Variants in ABTB2 observed in about 807,000 individuals in gnomAD.
ABTB2 encodes ankyrin repeat and BTB/POZ domain-containing protein 2.
A neutral mutation model predicts 104.1 loss-of-function variants in ABTB2; 56 were observed. The observed-to-expected ratio is 0.54, with a 90% CI of 0.43 to 0.67. The LOEUF (loss-of-function observed/expected upper bound fraction) is 0.67, where lower values mean the gene tolerates loss of function less well. Among genes scored for constraint, ABTB2 ranks in the 30% least tolerant of loss-of-function variants. The pLI is 0.00. For synonymous variants in ABTB2, 606 were observed against 608.2 expected, an observed-to-expected ratio of 1.00 and a Z score of 0.05; for missense variants, 1,279 against 1,407.7, an observed-to-expected ratio of 0.91 and a Z score of 1.46.
intron 1 of ABTB2, among the ~76,000 whole-genome samples, chr11:34,354,258 T>TTAA (rs2133131354): frequency 6.6e-6 from 1 of 152,214 alleles, no homozygotes; most frequent in East Asian, 1.9e-4. Context: ...CAGAGAATCC[T>TTAA]GCTCTCTTGA....
rs377220875 is a variant in ABTB2 at position 34,248,088 on chromosome 11, A to ATTTTTTTTTTTTTTT, written c.884-43399_884-43398insAAAAAAAAAAAAAAA. Among the ~76,000 whole-genome samples, 91 of 78,348 alleles carry ATTTTTTTTTTTTTTT rather than the reference A, an allele frequency of 1.2e-3. 1 individual carries two copies. The highest frequency in any genetic ancestry group is 4.6e-3 in the African/African-American group (65 of 14,098). 51.4% of individuals were successfully genotyped at this position (78,348 alleles called of 152,430 possible). ...CAATCATTCAATTTACTTATCTATAATTTTTCTTAAAAAAAAAAAAAAAAA... is the reference window on the plus strand; with the variant it reads ...CAATCATTCAATTTACTTATCTATAATTTTTTTTTTTTTTTTTTTTCTTAAAAAAAAAAAAAAAAA... On this transcript the variant is annotated intron_variant, in intron 1 of 16. Transcript: ENST00000435224.
intron 3 of ABTB2, among the ~76,000 whole-genome samples, chr11:34,195,076 G>A (rs1398786969): frequency 1.1e-4 from 4 of 37,458 alleles, no homozygotes; most frequent in East Asian, 7.0e-4. Flanking sequence ...GATGCCCGGC[G>A]GGGGGGGGGA....
chr11:34,185,447 C>T (rs2133027956), intron 3 of ABTB2, among the ~76,000 whole-genome samples: 1 of 152,344 alleles, frequency 6.6e-6, no homozygotes, highest in East Asian at 1.9e-4. Context: ...AGCAAAGCCA[C>T]CTTGCTGAGA....
At chr11:34,321,573 C>T (rs951607474) in intron 1 of ABTB2, among the ~76,000 whole-genome samples, 2 of 152,172 alleles carry the variant, frequency 1.3e-5, no homozygotes, top group African/African-American at 4.8e-5. Context: ...GTTATTGTCT[C>T]CTGTAAGAAG....
chr11:34,247,269 C>T (rs1011926239), intron 1 of ABTB2, among the ~76,000 whole-genome samples: 3 of 152,202 alleles, frequency 2.0e-5, no homozygotes, highest in Admixed American at 1.3e-4. Flanking sequence ...ACCACCCCCT[C>T]CCAAAGCTGC....
chr11:34,265,676 A>G (rs1854239410), intron 1 of ABTB2, among the ~76,000 whole-genome samples: 1 of 147,762 alleles, frequency 6.8e-6, no homozygotes, highest in Admixed American at 6.7e-5. Context: ...AAAAAAAAAA[A>G]AAAAAAAAAA....
chr11:34,295,931 G>C (rs1033803010), intron 1 of ABTB2, among the ~76,000 whole-genome samples: 1 of 151,752 alleles, frequency 6.6e-6, no homozygotes, highest in Non-Finnish European at 1.5e-5. Flanking sequence ...CATCACATTG[G>C]GGGTGATATA....
intron 1 of ABTB2, among the ~76,000 whole-genome samples, chr11:34,236,698 G>A (rs1853848976): frequency 6.6e-6 from 1 of 152,192 alleles, no homozygotes; most frequent in Non-Finnish European, 1.5e-5. Context: ...AGGCCTGTTA[G>A]CCAGGCCAGG....
At chr11:34,314,097 TCA>T (rs1854893926) in intron 1 of ABTB2, among the ~76,000 whole-genome samples, 1 of 152,148 alleles carries the variant, frequency 6.6e-6, no homozygotes, top group Admixed American at 6.5e-5. Flanking sequence ...CTAATGCTGG[TCA>T]CAGAGTGATG....
At chr11:34,161,127 C>T (rs532264500) in intron 10 of ABTB2, 46 bp from the exon 11 acceptor site, 125 of 1,536,628 alleles carry the variant, frequency 8.1e-5, no homozygotes, top group Middle Eastern at 4.3e-4. Flanking sequence ...CACAGCTGAG[C>T]GCTCCCGGCA....
At position 34,160,273 on chromosome 11, in the gene ABTB2, G is replaced by A. The variant is rs1198152625; in HGVS notation, c.2478C>T (p.Ile826=). Residue 826 remains isoleucine, a synonymous_variant, in exon 12 of 17, where the codon ATC becomes ATT. Transcript: ENST00000435224. ...GSSPIPSIPE[I]RKTLPARLDP... is the part of the protein sequence containing the mutation. ...CTAGCCTGGCCGGCAGGGTCTTCCG[G>A]ATCTCTGGGATGCTGGGGATGGGAC... 2 of 1,614,138 alleles carry A rather than the reference G, an allele frequency of 1.2e-6. No homozygotes were observed. The highest frequency in any genetic ancestry group is 1.7e-6 in the Non-Finnish European group (2 of 1,180,022).
At chr11:34,162,829 G>A (rs1205398922) in intron 9 of ABTB2, 24 bp from the exon 10 acceptor site, 1 of 1,578,892 alleles carries the variant, frequency 6.3e-7, no homozygotes, top group South Asian at 1.1e-5. Flanking sequence ...GATGAATGAA[G>A]GTGAGGGCTG....
At chr11:34,331,422 T>C (rs1163029858) in intron 1 of ABTB2, among the ~76,000 whole-genome samples, 3 of 152,218 alleles carry the variant, frequency 2.0e-5, no homozygotes, top group Non-Finnish European at 4.4e-5. Flanking sequence ...CACTGTTCTC[T>C]TACTCTCTTT....
In ABTB2 at chr11:34,356,120, C is replaced by T. The variant is rs1855461616; in HGVS notation, c.883+581G>A. The stretch of plus-strand genomic sequence containing the variant: ...CTGGGCACATATAGGTAAGAGCGAA[C>T]CACTACCCCTCCATCCCCCAAGAGA... On this transcript the variant is annotated intron_variant, in intron 1 of 16. Coordinates refer to ENST00000435224, the MANE Select transcript of ABTB2 (RefSeq NM_145804.3). The surrounding 1 kb of genome is among the most constrained non-coding windows in gnomAD (Gnocchi z 4.6). Among the ~76,000 whole-genome samples, 1 of 152,178 alleles carries T rather than the reference C, an allele frequency of 6.6e-6. No homozygotes were observed.
intron 1 of ABTB2, among the ~76,000 whole-genome samples, chr11:34,215,385 G>A (rs1281268730): frequency 6.6e-6 from 1 of 152,214 alleles, no homozygotes; most frequent in African/African-American, 2.4e-5. Context: ...AGGAAAAGAT[G>A]CAAACATCAC....
At chr11:34,324,855 C>T (rs1303700724) in intron 1 of ABTB2, among the ~76,000 whole-genome samples, 1 of 152,220 alleles carries the variant, frequency 6.6e-6, no homozygotes, top group African/African-American at 2.4e-5. Flanking sequence ...GCCTATGTCC[C>T]GGCAGGCTCA....
chr11:34,249,083 C>T (rs770577306), intron 1 of ABTB2, among the ~76,000 whole-genome samples: 14 of 152,338 alleles, frequency 9.2e-5, no homozygotes, highest in Middle Eastern at 3.4e-3. Context: ...GAGCCGGGAT[C>T]GTGCCATTGC....
intron 2 of ABTB2, among the ~76,000 whole-genome samples, chr11:34,203,012 C>T (rs1853363518): frequency 6.6e-6 from 1 of 152,146 alleles, no homozygotes; most frequent in Non-Finnish European, 1.5e-5. Context: ...TAGGGGAGGC[C>T]TCTAAATGCT....
chr11:34,272,114 C>T (rs1312649515), intron 1 of ABTB2, among the ~76,000 whole-genome samples: 2 of 152,146 alleles, frequency 1.3e-5, no homozygotes, highest in African/African-American at 4.8e-5. Context: ...TCAGTTTCCT[C>T]ATCTGTAACT....
Sources: allele counts gnomAD v4.1 joint callset (sites outside exome capture counted in the v4.1 genomes callset), GRCh38; gene constraint gnomAD v4.1.1; non-coding constraint Gnocchi (gnomAD v3.1); transcripts MANE v1.5; gene names NCBI Gene and HGNC (gene_info 2026-07-23, HGNC 2026-07-21).